Variants in LANCL3 observed in about 807,000 individuals in gnomAD.
LANCL3 encodes the protein lanC-like protein 3.
LANCL3 carries 19 observed loss-of-function variants against 26.5 expected under a neutral mutation model. The observed-to-expected ratio is 0.72, with a 90% CI of 0.50 to 1.05. The LOEUF (loss-of-function observed/expected upper bound fraction) is 1.05, where lower values mean the gene tolerates loss of function less well. Ranked by LOEUF, LANCL3 falls within the 50% of genes least tolerant of loss-of-function variation. The pLI is 0.00. For synonymous variants in LANCL3, 160 were observed against 166.6 expected, an observed-to-expected ratio of 0.96 and a Z score of 0.30; for missense variants, 318 against 362.7, an observed-to-expected ratio of 0.88 and a Z score of 1.00.
intron 1 of LANCL3, among the ~76,000 whole-genome samples, chrX:37,649,635 G>A (rs1304175579): frequency 1.8e-5 from 2 of 111,706 alleles, no homozygotes; most frequent in Non-Finnish European, 3.8e-5. Flanking sequence ...TAATTCACTG[G>A]GTCTGGGCTG....
At chrX:37,647,816 C>T (rs1435983768) in intron 1 of LANCL3, among the ~76,000 whole-genome samples, 1 of 112,694 alleles carries the variant, frequency 8.9e-6, no homozygotes, top group Non-Finnish European at 1.9e-5. Flanking sequence ...CACCTTAAGA[C>T]GCATACTCCG....
At chrX:37,675,301 G>A (rs971119837) in intron 4 of LANCL3, among the ~76,000 whole-genome samples, 2 of 112,070 alleles carry the variant, frequency 1.8e-5, no homozygotes, top group African/African-American at 3.2e-5. Context: ...GAACAGTCAC[G>A]TATCACTTTG....
At chrX:37,629,760 G>T (rs1346494811) in intron 1 of LANCL3, among the ~76,000 whole-genome samples, 1 of 111,231 alleles carries the variant, frequency 9.0e-6, no homozygotes, top group Non-Finnish European at 1.9e-5. Flanking sequence ...GATAGTTGTA[G>T]ATATGTGGTG....
chrX:37,649,464 G>A (rs1321732014), intron 1 of LANCL3, among the ~76,000 whole-genome samples: 1 of 110,592 alleles, frequency 9.0e-6, no homozygotes, highest in Non-Finnish European at 1.9e-5. Flanking sequence ...GGGGATGGGG[G>A]GCATGGGGAG....
intron 1 of LANCL3, among the ~76,000 whole-genome samples, chrX:37,648,972 G>A (rs1556427898): frequency 3.6e-5 from 4 of 112,140 alleles, no homozygotes; most frequent in Non-Finnish European, 5.6e-5. Flanking sequence ...TGGTGAGGCT[G>A]TGGAGAAATA....
intron 1 of LANCL3, among the ~76,000 whole-genome samples, chrX:37,577,579 T>G (rs1370250869): frequency 1.8e-5 from 2 of 112,297 alleles, no homozygotes; most frequent in Non-Finnish European, 3.8e-5. Flanking sequence ...CTAGGAAACA[T>G]GTAGATGTGA....
At chrX:37,623,451 T>C (rs1556422609) in intron 1 of LANCL3, among the ~76,000 whole-genome samples, 3 of 111,723 alleles carry the variant, frequency 2.7e-5, no homozygotes, top group Non-Finnish European at 5.7e-5. Context: ...TTCAGGTCAT[T>C]CTCTGTCTAC....
chrX:37,609,248 T>C (rs1924797094), intron 1 of LANCL3, among the ~76,000 whole-genome samples: 1 of 111,991 alleles, frequency 8.9e-6, no homozygotes, highest in Admixed American at 9.5e-5. Flanking sequence ...CCGTCTTTAT[T>C]GTACCTTTCA....
intron 1 of LANCL3, among the ~76,000 whole-genome samples, chrX:37,582,926 C>G (rs1289195411): frequency 2.7e-5 from 3 of 111,847 alleles, no homozygotes; most frequent in Non-Finnish European, 3.8e-5. Flanking sequence ...CCTAGGTTTT[C>G]TTCTAGGGTT....
intron 1 of LANCL3, among the ~76,000 whole-genome samples, chrX:37,650,793 G>T (rs782054397): frequency 9.4e-6 from 1 of 105,913 alleles, no homozygotes; most frequent in Non-Finnish European, 1.9e-5. Flanking sequence ...CAATGTGCAG[G>T]TTCGTTACAT....
intron 1 of LANCL3, among the ~76,000 whole-genome samples, chrX:37,624,786 A>C (rs945592249): frequency 9.9e-5 from 11 of 111,602 alleles, no homozygotes. Context: ...GAGGAATAAG[A>C]GGTCATACCA....
In LANCL3 at chrX:37,655,732, G is replaced by C. The variant is rs148445300; in HGVS notation, c.618G>C (p.Leu206=). 5 of 1,200,792 alleles carry C rather than the reference G, an allele frequency of 4.2e-6. No homozygotes were observed. In the African/African-American group the frequency reaches 8.8e-5, roughly 21 times the overall value. Reference sequence around the variant, plus strand: ...TCAAGTCAATTTGTCAGGCAATTCTGGACTCTGGGAAGCAGTATGCCATAA... The same window carrying C: ...TCAAGTCAATTTGTCAGGCAATTCTCGACTCTGGGAAGCAGTATGCCATAA... The part of the protein sequence containing the change: ...AQIKSICQAI[L]DSGKQYAIKK... The change falls in exon 2 of 5, where the codon CTG becomes CTC. Residue 206 remains leucine, a synonymous_variant. Transcript: ENST00000378619.
Position 37,680,991 on chromosome X carries a change from A to G in LANCL3, c.*5178A>G, listed in dbSNP as rs1315714051. ...AAGCTAAGTTGATTAAGTTTATTAA[A>G]CTTATTTATTAAGCTTGACTAAGCT... On this transcript the variant is annotated 3_prime_UTR_variant, in exon 5 of 5. Transcript: ENST00000378619. The G allele has an allele frequency of 5.4e-5, 6 of 111,846 alleles. No homozygotes were observed. The highest frequency in any genetic ancestry group is 1.1e-4 in the Non-Finnish European group (6 of 53,174). The allele number at this position is 111,846 out of a possible 1,213,427, so 9.2% of individuals were successfully genotyped here.
intron 1 of LANCL3, among the ~76,000 whole-genome samples, chrX:37,588,302 A>G (rs1179261256): frequency 9.0e-6 from 1 of 111,432 alleles, no homozygotes; most frequent in Non-Finnish European, 1.9e-5. Flanking sequence ...TCTCTAGGTA[A>G]ACTGGTTCAA....
At chrX:37,613,409 G>A (rs1556421402) in intron 1 of LANCL3, among the ~76,000 whole-genome samples, 1 of 110,911 alleles carries the variant, frequency 9.0e-6, no homozygotes, top group East Asian at 2.8e-4. Flanking sequence ...TTTTATTGAG[G>A]TATAGCTTGC....
chrX:37,617,828 A>C (rs1287124772), intron 1 of LANCL3, among the ~76,000 whole-genome samples: 1 of 111,944 alleles, frequency 8.9e-6, no homozygotes, highest in Non-Finnish European at 1.9e-5. Context: ...TGAAGTGTGC[A>C]TGAAGAATGA....
intron 1 of LANCL3, among the ~76,000 whole-genome samples, chrX:37,593,481 A>G (rs1224718421): frequency 8.9e-6 from 1 of 112,213 alleles, no homozygotes; most frequent in East Asian, 2.7e-4. Context: ...TTGTATAAGG[A>G]TGTCATTTTT....
At chrX:37,576,614 T>A (rs1923755243) in intron 1 of LANCL3, among the ~76,000 whole-genome samples, 1 of 111,751 alleles carries the variant, frequency 8.9e-6, no homozygotes. Flanking sequence ...AAATGTCAGG[T>A]TTCTACATGG....
At chrX:37,649,564 C>G (rs1926082374) in intron 1 of LANCL3, among the ~76,000 whole-genome samples, 1 of 110,905 alleles carries the variant, frequency 9.0e-6, no homozygotes, top group Non-Finnish European at 1.9e-5. Context: ...CACATGTATC[C>G]CAGAACTTAA....
Sources: allele counts gnomAD v4.1 joint callset (sites outside exome capture counted in the v4.1 genomes callset), GRCh38; gene constraint gnomAD v4.1.1; transcripts MANE v1.5; gene names NCBI Gene and HGNC (gene_info 2026-07-23, HGNC 2026-07-21).